The following EXOC6B variants were observed in gnomAD, a reference collection of about 807,000 sequenced individuals.
EXOC6B encodes the protein exocyst complex component 6B.
EXOC6B carries 54 observed loss-of-function variants against 113.5 expected under a neutral mutation model. The observed-to-expected ratio is 0.48, with a 90% confidence interval of 0.38 to 0.60. EXOC6B has a LOEUF of 0.60. Ranked by LOEUF, EXOC6B falls within the 20% of genes least tolerant of loss-of-function variation. The pLI is 0.00. For synonymous variants in EXOC6B, 357 were observed against 339.0 expected, an observed-to-expected ratio of 1.05 and a Z score of -0.58; for missense variants, 797 against 977.5, an observed-to-expected ratio of 0.82 and a Z score of 2.46.
At chr2:72,603,009 G>A (rs1233649864) in intron 6 of EXOC6B, among the ~76,000 whole-genome samples, 1 of 151,278 alleles carries the variant, frequency 6.6e-6, no homozygotes, top group Non-Finnish European at 1.5e-5. Context: ...AGCAACACTA[G>A]GTAGAAGAGG....
chr2:72,593,986 T>C (rs1706147139), intron 6 of EXOC6B, among the ~76,000 whole-genome samples: 1 of 152,152 alleles, frequency 6.6e-6, no homozygotes, highest in South Asian at 2.1e-4. Context: ...TTATTGTTGT[T>C]GTTGCTGTTG....
intron 6 of EXOC6B, among the ~76,000 whole-genome samples, chr2:72,639,421 G>C (rs1673073162): frequency 6.6e-6 from 1 of 152,184 alleles, no homozygotes; most frequent in Admixed American, 6.5e-5. Context: ...TTGCCATCAA[G>C]GGCCCCGTAC....
At chr2:72,323,867 G>A (rs973776845) in intron 20 of EXOC6B, among the ~76,000 whole-genome samples, 2 of 151,914 alleles carry the variant, frequency 1.3e-5, no homozygotes, top group African/African-American at 4.8e-5. Flanking sequence ...ACAGCATTAG[G>A]AGAAATACCT....
At chr2:72,186,892 T>C (rs1678470170) in intron 20 of EXOC6B, among the ~76,000 whole-genome samples, 1 of 152,156 alleles carries the variant, frequency 6.6e-6, no homozygotes. Context: ...GCCGGAAACC[T>C]GTGGCCAGTG....
chr2:72,397,660 T>TAAAATAAAATAAAATAAAATAAAATAA (rs146573352), intron 18 of EXOC6B, among the ~76,000 whole-genome samples: 4 of 139,852 alleles, frequency 2.9e-5, no homozygotes, highest in African/African-American at 1.2e-4. Context: ...TAAAATAAAA[T>TAAAATAAAATAAAATAAAATAAAATAA]TATATATATA....
intron 6 of EXOC6B, among the ~76,000 whole-genome samples, chr2:72,648,969 C>T (rs1673955017): frequency 6.6e-6 from 1 of 152,070 alleles, no homozygotes; most frequent in Non-Finnish European, 1.5e-5. Context: ...GGTGAGACCC[C>T]TGTCTCTACA....
chr2:72,823,495 A>AAAAAT (rs1686717735), intron 1 of EXOC6B, among the ~76,000 whole-genome samples: 1 of 149,966 alleles, frequency 6.7e-6, no homozygotes, highest in African/African-American at 2.5e-5. Flanking sequence ...ACAAAAAAAA[A>AAAAAT]GACAGTGGCC....
chr2:72,187,908 G>A (rs1393791405), intron 20 of EXOC6B, among the ~76,000 whole-genome samples: 1 of 152,202 alleles, frequency 6.6e-6, no homozygotes, highest in Non-Finnish European at 1.5e-5. Context: ...CTCCGAGATT[G>A]GAGCAGCACT....
chr2:72,352,489 T>G (rs1689711571), intron 19 of EXOC6B, among the ~76,000 whole-genome samples: 1 of 152,154 alleles, frequency 6.6e-6, no homozygotes, highest in Non-Finnish European at 1.5e-5. Flanking sequence ...ATTTGGGTTT[T>G]TTTCTCTCTC....
intron 16 of EXOC6B, among the ~76,000 whole-genome samples, chr2:72,485,833 A>G (rs975704114): frequency 6.6e-6 from 1 of 152,198 alleles, no homozygotes; most frequent in African/African-American, 2.4e-5. Context: ...TCAGGTCTCT[A>G]CTACCATATT....
At chr2:72,387,297 G>A (rs771861032) in intron 18 of EXOC6B, among the ~76,000 whole-genome samples, 1 of 152,088 alleles carries the variant, frequency 6.6e-6, no homozygotes, top group Non-Finnish European at 1.5e-5. Context: ...ACAGTGTTCT[G>A]TTCTTATATT....
intron 8 of EXOC6B, among the ~76,000 whole-genome samples, chr2:72,526,892 G>C (rs903378934): frequency 2.0e-5 from 3 of 151,912 alleles, no homozygotes; most frequent in Admixed American, 2.0e-4. Flanking sequence ...GGAAATAACA[G>C]AGACAGACCC....
At chr2:72,563,508 G>A (rs1439921654) in intron 7 of EXOC6B, among the ~76,000 whole-genome samples, 3 of 152,018 alleles carry the variant, frequency 2.0e-5, no homozygotes, top group Non-Finnish European at 4.4e-5. Flanking sequence ...TGGGACCAAT[G>A]TATAGATGAC....
intron 11 of EXOC6B, among the ~76,000 whole-genome samples, chr2:72,509,910 T>C (rs1700803987): frequency 6.6e-6 from 1 of 152,220 alleles, no homozygotes. Flanking sequence ...CTCAGCTCAC[T>C]GCAGCCTCTG....
chr2:72,749,239 T>C (rs903544614), intron 1 of EXOC6B, among the ~76,000 whole-genome samples: 1 of 152,070 alleles, frequency 6.6e-6, no homozygotes, highest in African/African-American at 2.4e-5. Flanking sequence ...GAAAGCAGAG[T>C]ACTAATACAG....
At chr2:72,804,241 T>C (rs1243024604) in intron 1 of EXOC6B, among the ~76,000 whole-genome samples, 1 of 152,242 alleles carries the variant, frequency 6.6e-6, no homozygotes, top group Admixed American at 6.5e-5. Flanking sequence ...TCTCTTCATA[T>C]GCTTCTGAGT....
chr2:72,402,525 G>A lies in EXOC6B; in HGVS notation c.1981-22655C>T, dbSNP rs575095617. ...AGAATCTGTCAGCATTTCTTGTAGG[G>A]CTTGTCTAGTTGTAACAAATTCCCT... On this transcript the variant is annotated intron_variant, in intron 18 of 21. Transcript: ENST00000272427. Among the ~76,000 whole-genome samples the A allele has an allele frequency of 3.0e-4, 46 of 152,156 alleles. No homozygotes were observed. The South Asian group carries it at 9.4e-3, about 31-fold the overall frequency.
At chr2:72,644,378 A>T (rs551677505) in intron 6 of EXOC6B, among the ~76,000 whole-genome samples, 1 of 152,332 alleles carries the variant, frequency 6.6e-6, no homozygotes, top group East Asian at 1.9e-4. Context: ...ACTCTGCAGG[A>T]TATTATCCAG....
chr2:72,322,769 G>A (rs1158143340), intron 20 of EXOC6B, among the ~76,000 whole-genome samples: 1 of 152,232 alleles, frequency 6.6e-6, no homozygotes, highest in East Asian at 1.9e-4. Context: ...AATGGTGTTG[G>A]GAAAACTGGC....
Sources: allele counts gnomAD v4.1 joint callset (sites outside exome capture counted in the v4.1 genomes callset), GRCh38; gene constraint gnomAD v4.1.1; transcripts MANE v1.5; gene names NCBI Gene and HGNC (gene_info 2026-07-23, HGNC 2026-07-21).